Variants in ARHGAP40 observed in about 807,000 individuals in gnomAD.
ARHGAP40 encodes the protein Rho GTPase activating protein 40, also known as rho GTPase-activating protein 40.
A neutral mutation model predicts 73.5 loss-of-function variants in ARHGAP40; 43 were observed. The ratio of observed to expected loss-of-function variants is 0.58; its 90% confidence interval spans 0.46 to 0.75. The LOEUF (loss-of-function observed/expected upper bound fraction) is 0.75, where lower values mean the gene tolerates loss of function less well. Among genes scored for constraint, ARHGAP40 ranks in the 30% least tolerant of loss-of-function variants. The pLI is 0.00. For synonymous variants in ARHGAP40, 300 were observed against 352.8 expected, an observed-to-expected ratio of 0.85 and a Z score of 1.68; for missense variants, 734 against 861.8, an observed-to-expected ratio of 0.85 and a Z score of 1.86.
At chr20:38,649,970 T>A in exon 15 of ARHGAP40, 1 of 640,586 alleles carries the variant, frequency 1.6e-6, no homozygotes, top group Non-Finnish European at 2.4e-6. Context: ...TTCCAAGGCT[T>A]CCTTTTCTGA....
chr20:38,646,173 G>C lies in ARHGAP40; in HGVS notation c.1696G>C (p.Asp566His), dbSNP rs1319659121. The C allele has an allele frequency of 1.5e-6, 2 of 1,302,824 alleles. No individual in the cohort carries two copies. Among genetic ancestry groups the C allele is most frequent in the African/African-American group, 1.5e-5 (1 of 65,986 alleles). The allele number at this position is 1,302,824 out of a possible 1,614,324, so 80.7% of individuals were successfully genotyped here. A position where few individuals can be genotyped will look rare whatever the true frequency, so the allele number is the denominator to read the frequency against. The change falls in exon 12 of 15, where the codon GAC (aspartate) becomes CAC (histidine). Residue 566 changes from aspartate to histidine, a missense_variant. Transcript: ENST00000373345. The surrounding 1 kb of genome is among the most constrained non-coding windows in gnomAD (Gnocchi z 4.5). ...GCACGCAGACAGGGACAAGGCGGGG[G>C]ACGGCCTCGAGGCGGTGAGTGCCCC...
chr20:38,616,543 G>T (rs187626818), intron 1 of ARHGAP40, among the ~76,000 whole-genome samples: 1 of 152,318 alleles, frequency 6.6e-6, no homozygotes, highest in East Asian at 1.9e-4. Flanking sequence ...TGTACAAGCG[G>T]CTTATTACAC....
chr20:38,638,501 A>G (rs973397566), intron 7 of ARHGAP40, among the ~76,000 whole-genome samples: 1 of 152,120 alleles, frequency 6.6e-6, no homozygotes, highest in Admixed American at 6.5e-5. Context: ...TTGAACTTTC[A>G]TTAGCCTCCC....
chr20:38,602,200 CAG>C (rs1158162549), intron 1 of ARHGAP40, 121 bp downstream of exon 1: 3 of 1,153,904 alleles, frequency 2.6e-6, no homozygotes, highest in East Asian at 6.6e-5. Flanking sequence ...GATGAGGAAA[CAG>C]AGGCTTGGAG....
intron 2 of ARHGAP40, among the ~76,000 whole-genome samples, chr20:38,626,441 G>A (rs899951439): frequency 1.3e-5 from 2 of 151,724 alleles, no homozygotes; most frequent in Non-Finnish European, 2.9e-5. Flanking sequence ...ATCCCTGGAG[G>A]TAAGACCCGA....
intron 1 of ARHGAP40, among the ~76,000 whole-genome samples, chr20:38,620,382 T>G (rs2145600057): frequency 6.6e-6 from 1 of 152,288 alleles, no homozygotes; most frequent in East Asian, 1.9e-4. Context: ...GGTGTTTCAT[T>G]TTGTTTCTGT....
chr20:38,620,564 C>T (rs188219398), intron 1 of ARHGAP40, among the ~76,000 whole-genome samples: 2 of 152,324 alleles, frequency 1.3e-5, no homozygotes, highest in Admixed American at 1.3e-4. Flanking sequence ...AAGCGAATCG[C>T]AAAGCAACCA....
intron 1 of ARHGAP40, among the ~76,000 whole-genome samples, chr20:38,606,615 G>A (rs1303337563): frequency 6.6e-6 from 1 of 152,174 alleles, no homozygotes; most frequent in Admixed American, 6.5e-5. Flanking sequence ...AGAGTTCAAA[G>A]GCAGATCAGA....
chr20:38,636,301 GC>G (rs1466189211), intron 6 of ARHGAP40, among the ~76,000 whole-genome samples: 1 of 144,922 alleles, frequency 6.9e-6, no homozygotes, highest in South Asian at 2.2e-4. Context: ...TCTCTCTCTT[GC>G]CCAGGCTGGA....
rs200368086 is a variant in ARHGAP40 at position 38,625,390 on chromosome 20, GT to G, written c.338-1594del. 9.1e-3 allele frequency among the ~76,000 whole-genome samples: 1,343 copies of G among 147,408 alleles called. 13 individuals carry two copies. Among genetic ancestry groups the G allele is most frequent in the African/African-American group, 0.024 (963 of 40,452 alleles). Reference sequence around the variant, plus strand: ...CCTGAGTGGCATGGAGCCAAGACTGGTTTTTTTTTTTCCTTTCTTTTCTTTT... The same window carrying G: ...CCTGAGTGGCATGGAGCCAAGACTGGTTTTTTTTTTCCTTTCTTTTCTTTT... On this transcript the variant is annotated intron_variant, in intron 2 of 14. Coordinates refer to ENST00000373345, the Ensembl canonical transcript of ARHGAP40.
In ARHGAP40 at chr20:38,629,488, C is replaced by G; in HGVS notation, c.635-14C>G. On this transcript the variant is annotated splice_polypyrimidine_tract_variant and intron_variant, in intron 4 of 14. Coordinates refer to ENST00000373345, the Ensembl canonical transcript of ARHGAP40. Reference sequence around the variant, plus strand: ...CTCACTGCCTTTCTCTGCTTTGTTTCCCCCGCCCCGCAGCAGCAGAGCCTG... The same window carrying G: ...CTCACTGCCTTTCTCTGCTTTGTTTGCCCCGCCCCGCAGCAGCAGAGCCTG... 2.3e-6 allele frequency: 3 copies of G among 1,305,036 alleles called. No individual in the cohort carries two copies. Among genetic ancestry groups the G allele is most frequent in the South Asian group, 2.5e-5 (2 of 80,992 alleles). The allele number at this position is 1,305,036 out of a possible 1,614,324, so 80.8% of individuals were successfully genotyped here. A position where few individuals can be genotyped will look rare whatever the true frequency, so the allele number is the denominator to read the frequency against.
At chr20:38,643,596 C>T (rs2089032881) in intron 10 of ARHGAP40, 108 bp from the exon 11 acceptor site, 1 of 944,116 alleles carries the variant, frequency 1.1e-6, no homozygotes, top group Admixed American at 2.7e-5. Flanking sequence ...CTCCCAGCTC[C>T]TGGCTCCTTC....
chr20:38,646,305 G>A lies in ARHGAP40; in HGVS notation c.1710+118G>A. 1 of 1,115,248 alleles carries A rather than the reference G, an allele frequency of 9.0e-7. No individual in the cohort carries two copies. The highest frequency in any genetic ancestry group is 6.8e-5 in the East Asian group (1 of 14,696). 69.1% of individuals were successfully genotyped at this position (1,115,248 alleles called of 1,614,324 possible). On this transcript the variant is annotated intron_variant, in intron 12 of 14. Transcript: ENST00000373345. The surrounding 1 kb of genome is among the most constrained non-coding windows in gnomAD (Gnocchi z 4.5). The stretch of plus-strand genomic sequence containing the variant: ...ACCGGGCTGCCAGCAACGGCCCAGT[G>A]AGGCCACCAGGGGGCGTTGCGGCGC...
intron 5 of ARHGAP40, among the ~76,000 whole-genome samples, chr20:38,630,967 G>T (rs2088934576): frequency 1.3e-5 from 2 of 152,184 alleles, no homozygotes; most frequent in South Asian, 4.1e-4. Context: ...CCAGGGCATT[G>T]TTCCCAAGGC....
chr20:38,623,594 G>A (rs1237066016), intron 2 of ARHGAP40, 36 bp downstream of exon 2: 4 of 1,252,208 alleles, frequency 3.2e-6, no homozygotes, highest in South Asian at 1.3e-5. Flanking sequence ...AGGGGTGGTG[G>A]GAGGGCTTGA....
chr20:38,615,271 T>C (rs1461133954), intron 1 of ARHGAP40: 8 of 769,170 alleles, frequency 1.0e-5, no homozygotes. Context: ...CCAACTTTTC[T>C]ATGTTCATCC....
At chr20:38,626,956 A>G (rs2088901538) in intron 2 of ARHGAP40, 39 bp from the exon 3 acceptor site, 1 of 1,294,536 alleles carries the variant, frequency 7.7e-7, no homozygotes, top group South Asian at 1.2e-5. Context: ...CTGAGTGCAG[A>G]GCTGTGTGTG....
intron 1 of ARHGAP40, among the ~76,000 whole-genome samples, chr20:38,621,271 A>C (rs2088871943): frequency 6.6e-6 from 1 of 152,236 alleles, no homozygotes; most frequent in Admixed American, 6.5e-5. Context: ...AGAGTTCACA[A>C]ACCCTTTGAT....
chr20:38,637,857 G>C (rs1038253899), intron 7 of ARHGAP40, 58 bp downstream of exon 7: 2 of 1,243,890 alleles, frequency 1.6e-6, no homozygotes, highest in Non-Finnish European at 2.1e-6. Flanking sequence ...TGGCTCAGGG[G>C]ACCATTGTCA....
Sources: allele counts gnomAD v4.1 joint callset (sites outside exome capture counted in the v4.1 genomes callset), GRCh38; gene constraint gnomAD v4.1.1; non-coding constraint Gnocchi (gnomAD v3.1); transcripts MANE v1.5; gene names NCBI Gene and HGNC (gene_info 2026-07-23, HGNC 2026-07-21).